The following CCDC187 variants were observed in gnomAD, a reference collection of about 807,000 sequenced individuals.
The protein encoded by CCDC187 is coiled-coil domain containing 187, also known as coiled-coil domain-containing protein 187.
In CCDC187, 32 loss-of-function variants were observed where a neutral mutation model predicts 38.0. The ratio of observed to expected loss-of-function variants is 0.84; its 90% CI spans 0.64 to 1.13. The LOEUF is 1.13. Ranked by LOEUF, CCDC187 falls within the 50% of genes most tolerant of loss-of-function variation. CCDC187 has a pLI of 0.00. For synonymous variants in CCDC187, 333 were observed against 347.9 expected, an observed-to-expected ratio of 0.96 and a Z score of 0.48; for missense variants, 707 against 786.8, an observed-to-expected ratio of 0.90 and a Z score of 1.21.
chr9:136,291,570 CT>C lies in CCDC187; in HGVS notation c.1042del (p.Ser348ValfsTer83). 1 of 398,840 alleles carries C rather than the reference CT, an allele frequency of 2.5e-6. No individual in the cohort carries two copies. Among genetic ancestry groups the C allele is most frequent in the Non-Finnish European group, 4.4e-6 (1 of 226,196 alleles). The allele number at this position is 398,840 out of a possible 1,614,324, so 24.7% of individuals were successfully genotyped here. On this transcript the variant is annotated frameshift_variant, in exon 6 of 26. Coordinates refer to ENST00000638797, the MANE Select transcript of CCDC187 (RefSeq NM_001378188.1). LOFTEE classifies it high-confidence loss of function. ...TGTGTTCCCAGACACCTGCTGGTCA[CT>C]GTAGGCGGAGGTGGCATCGGGCAAC... ...AQLPDATSAY[S>X]DQQVSGNTPS...
chr9:136,295,194 C>T (rs1831505764), intron 4 of CCDC187, among the ~76,000 whole-genome samples: 1 of 152,168 alleles, frequency 6.6e-6, no homozygotes, highest in Non-Finnish European at 1.5e-5. Flanking sequence ...GAGGGGAGCC[C>T]CGGTGGGGTT....
intron 2 of CCDC187, among the ~76,000 whole-genome samples, chr9:136,301,587 T>TA (rs1831684354): frequency 2.2e-4 from 1 of 4,542 alleles, no homozygotes. Flanking sequence ...CATACGTTAC[T>TA]TTTTTTTTTT....
chr9:136,298,511 G>T (rs1184565219), intron 3 of CCDC187, among the ~76,000 whole-genome samples: 1 of 152,172 alleles, frequency 6.6e-6, no homozygotes, highest in Non-Finnish European at 1.5e-5. Context: ...CAGCTGGGGT[G>T]GGGGAGTATC....
chr9:136,263,707 G>T lies in CCDC187; in HGVS notation c.3827C>A (p.Pro1276Gln). ...GATGGGGAGGATGTCCACAGGCCCC[G>T]GCATGGAGACGACGTCCCTCTGATG... ...LQHQRDVVSMPGPVDILPIPG... is the reference protein window; with the variant it reads ...LQHQRDVVSMQGPVDILPIPG... Residue 1276 changes from proline (P) to glutamine (Q), a missense_variant, in exon 18 of 26, where the codon CCG (proline) becomes CAG (glutamine). Pro to Gln is a moderately conservative substitution (Grantham distance 76, BLOSUM62 -1). Transcript: ENST00000638797. The T allele has an allele frequency of 1.0e-6, 1 of 985,482 alleles. No individual in the cohort carries two copies. Among genetic ancestry groups the T allele is most frequent in the Non-Finnish European group, 1.2e-6 (1 of 829,942 alleles). The allele number at this position is 985,482 out of a possible 1,614,324, so 61.0% of individuals were successfully genotyped here.
In CCDC187 at chr9:136,258,612, G is replaced by A. The variant is rs1830644174; in HGVS notation, c.4366+320C>T. ...ATCGGTGCAGAAACCTCCGTCAGCT[G>A]AAGACGCTCAGGCAGTGCTGGCTTC... On this transcript the variant is annotated intron_variant, in intron 22 of 25. Transcript: ENST00000638797. This position sits in a 1 kb window ranked among gnomAD's most constrained non-coding sequence, Gnocchi z 4.3. 1 of 791,600 alleles carries A rather than the reference G, an allele frequency of 1.3e-6. No homozygotes were observed. The highest frequency in any genetic ancestry group is 1.9e-5 in the African/African-American group (1 of 53,444). The allele number at this position is 791,600 out of a possible 1,614,324, so 49.0% of individuals were successfully genotyped here.
intron 4 of CCDC187, among the ~76,000 whole-genome samples, chr9:136,293,377 TCA>T (rs1258082746): frequency 1.2e-4 from 13 of 107,954 alleles, no homozygotes; most frequent in East Asian, 3.0e-4. Context: ...GCTCACACAC[TCA>T]CACTCACATG....
chr9:136,261,987 C>A (rs1465396909), intron 19 of CCDC187, among the ~76,000 whole-genome samples: 1 of 152,260 alleles, frequency 6.6e-6, no homozygotes, highest in Non-Finnish European at 1.5e-5. Context: ...AGCGGCCAGG[C>A]TCTCGGGCAG....
chr9:136,253,505 C>G lies in CCDC187; in HGVS notation c.*89G>C. 1.3e-6 allele frequency: 1 copy of G among 762,244 alleles called. No homozygotes were observed. The highest frequency in any genetic ancestry group is 1.6e-6 in the Non-Finnish European group (1 of 625,960). 47.2% of individuals were successfully genotyped at this position (762,244 alleles called of 1,614,324 possible). A position where few individuals can be genotyped will look rare whatever the true frequency, so the allele number is the denominator to read the frequency against. On this transcript the variant is annotated 3_prime_UTR_variant, in exon 26 of 26. Coordinates refer to ENST00000638797, the MANE Select transcript of CCDC187 (RefSeq NM_001378188.1). Reference sequence around the variant, plus strand: ...GACAGGTTCAGGCCACTGGCTGCCTCCGGCCTCATCCCCTGCTGCAGAACT... The same window carrying G: ...GACAGGTTCAGGCCACTGGCTGCCTGCGGCCTCATCCCCTGCTGCAGAACT...
rs1212813241 is a variant in CCDC187 at position 136,258,323 on chromosome 9, C to G, written c.4366+609G>C. 6.6e-6 allele frequency among the ~76,000 whole-genome samples: 1 copy of G among 152,154 alleles called. No individual in the cohort carries two copies. The highest frequency in any genetic ancestry group is 2.4e-5 in the African/African-American group (1 of 41,424). Reference sequence around the variant, plus strand: ...AGGGACCCCCCAGTCTATGCCACCCCCCTTGGGTGGCATAGTCTCCCTGCT... The same window carrying G: ...AGGGACCCCCCAGTCTATGCCACCCGCCTTGGGTGGCATAGTCTCCCTGCT... On this transcript the variant is annotated intron_variant, in intron 22 of 25. Transcript: ENST00000638797. The surrounding 1 kb of genome is among the most constrained non-coding windows in gnomAD (Gnocchi z 4.3).
chr9:136,303,389 C>T, intron 1 of CCDC187, 96 bp from the exon 2 acceptor site: 1 of 384,106 alleles, frequency 2.6e-6, no homozygotes. Context: ...GGCATTCCTG[C>T]TCCACAGACT....
intron 9 of CCDC187, among the ~76,000 whole-genome samples, chr9:136,284,975 C>A (rs1041130591): frequency 1.3e-5 from 2 of 152,066 alleles, no homozygotes; most frequent in Admixed American, 6.5e-5. Context: ...AGATGCTCCC[C>A]CAGGGGGAGG....
chr9:136,300,142 G>A (rs904668698), intron 3 of CCDC187, 78 bp downstream of exon 3: 17 of 397,426 alleles, frequency 4.3e-5, no homozygotes, highest in Admixed American at 3.5e-4. Context: ...CTGTGAGGGT[G>A]GCCCAGCATG....
chr9:136,260,074 T>C (rs1479347456), intron 20 of CCDC187, 45 bp downstream of exon 20: 7 of 985,092 alleles, frequency 7.1e-6, no homozygotes, highest in African/African-American at 1.7e-5. Context: ...GCCCACTGAA[T>C]GAGCATCCGT....
At position 136,297,763 on chromosome 9, in the gene CCDC187, G is replaced by T. The variant is rs1002322745; in HGVS notation, c.783C>A (p.Pro261=). 3.8e-5 allele frequency: 15 copies of T among 398,748 alleles called. No homozygotes were observed. The highest frequency in any genetic ancestry group is 3.1e-4 in the African/African-American group (15 of 48,776). The allele number at this position is 398,748 out of a possible 1,614,324, so 24.7% of individuals were successfully genotyped here. ...CCGCTCTTCTAGGGGAGGGCAACTTGGGGGTCTTCTCTCTTTTGCAAGAAC... is the reference window on the plus strand; with the variant it reads ...CCGCTCTTCTAGGGGAGGGCAACTTTGGGGTCTTCTCTCTTTTGCAAGAAC... The part of the protein sequence containing the change: ...KSSSCKREKT[P]KLPSPRRAAK... Residue 261 remains proline (P), a synonymous_variant, in exon 4 of 26, where the codon CCC becomes CCA. Coordinates refer to ENST00000638797, the MANE Select transcript of CCDC187 (RefSeq NM_001378188.1).
intron 14 of CCDC187, among the ~76,000 whole-genome samples, chr9:136,269,077 T>C (rs1232859527): frequency 6.6e-6 from 1 of 152,100 alleles, no homozygotes; most frequent in Non-Finnish European, 1.5e-5. Flanking sequence ...AGAGAACTGA[T>C]GGATGAATGC....
Position 136,255,095 on chromosome 9 carries a change from A to C in CCDC187, c.4733T>G (p.Leu1578Arg). 1 of 985,552 alleles carries C rather than the reference A, an allele frequency of 1.0e-6. No individual in the cohort carries two copies. The allele number at this position is 985,552 out of a possible 1,614,324, so 61.1% of individuals were successfully genotyped here. A position where few individuals can be genotyped will look rare whatever the true frequency, so the allele number is the denominator to read the frequency against. The change falls in exon 26 of 26, where the codon CTG becomes CGG. Residue 1578 changes from leucine to arginine, a missense_variant. Physicochemically the swap from Leu to Arg is moderately radical, Grantham distance 102. Coordinates refer to ENST00000638797, the MANE Select transcript of CCDC187 (RefSeq NM_001378188.1). ...GGGGAGAAGGGGACTGCCCTGGTGCAGGATTGGGGGCGCCGCCTCCTCAGG... is the reference window on the plus strand; with the variant it reads ...GGGGAGAAGGGGACTGCCCTGGTGCCGGATTGGGGGCGCCGCCTCCTCAGG... ...VVPEEAAPPI[L>R]HQGSPLLPTT...
rs1831420605 is a variant in CCDC187, at chr9:136,293,439, A to ACT, written c.833-1145_833-1144insAG. Among the ~76,000 whole-genome samples the ACT allele has an allele frequency of 3.0e-3, 76 of 25,172 alleles. 5 individuals carry two copies. The highest frequency in any genetic ancestry group is 1.7e-3 in the Non-Finnish European group (17 of 10,040). 16.5% of individuals were successfully genotyped at this position (25,172 alleles called of 152,430 possible). ...TGCTCACATACTCTCACATGCTCAC[A>ACT]CACTCACACATGCTCACACTCACAC... On this transcript the variant is annotated intron_variant, in intron 4 of 25. Coordinates refer to ENST00000638797, the MANE Select transcript of CCDC187 (RefSeq NM_001378188.1).
intron 4 of CCDC187, among the ~76,000 whole-genome samples, chr9:136,294,059 T>C (rs1831467162): frequency 9.1e-6 from 1 of 109,548 alleles, no homozygotes; most frequent in African/African-American, 3.5e-5. Context: ...CCCTCACATG[T>C]GCTCTCACAC....
chr9:136,282,242 C>T (rs1335115835), intron 9 of CCDC187, among the ~76,000 whole-genome samples: 2 of 152,182 alleles, frequency 1.3e-5, no homozygotes, highest in Middle Eastern at 3.2e-3. Context: ...TGGGGAGCAC[C>T]CGGGCTGTGA....
Sources: gnomAD v4.1 joint callset for allele counts (sites outside exome capture counted in the v4.1 genomes callset) on GRCh38, gnomAD v4.1.1 for gene constraint, Gnocchi (gnomAD v3.1) non-coding constraint, MANE v1.5 for transcripts, NCBI Gene and HGNC (gene_info 2026-07-23, HGNC 2026-07-21) for gene names.